The following ZNF423 variants were observed in gnomAD, a reference collection of about 807,000 sequenced individuals.
ZNF423 encodes zinc finger protein 423.
A neutral mutation model predicts 95.8 loss-of-function variants in ZNF423; 12 were observed. That is an observed-to-expected ratio of 0.13 (90% confidence interval 0.08 to 0.20). The LOEUF is 0.20. Ranked by LOEUF, ZNF423 falls within the 10% of genes least tolerant of loss-of-function variation. The pLI is 1.00. For synonymous variants in ZNF423, 749 were observed against 711.9 expected (o/e 1.05, Z -0.83); for missense variants, 1,316 against 1,737.1 (o/e 0.76, Z 4.31).
At chr16:49,641,186 C>T (rs1972964096) in intron 3 of ZNF423, among the ~76,000 whole-genome samples, 1 of 152,220 alleles carries the variant, frequency 6.6e-6, no homozygotes, top group South Asian at 2.1e-4. Context: ...GAGGCACGGC[C>T]TCAGAGACTT....
chr16:49,777,939 C>T (rs1451829281), intron 2 of ZNF423, among the ~76,000 whole-genome samples: 1 of 152,148 alleles, frequency 6.6e-6, no homozygotes, highest in Non-Finnish European at 1.5e-5. Context: ...CAGGCACTGT[C>T]CCTGCCTCCA....
At chr16:49,682,775 C>T (rs1858775476) in intron 3 of ZNF423, among the ~76,000 whole-genome samples, 1 of 152,248 alleles carries the variant, frequency 6.6e-6, no homozygotes, top group Non-Finnish European at 1.5e-5. Flanking sequence ...GTTTCCTCAT[C>T]TGTAAAATGG....
At chr16:49,593,611 C>G (rs578067776) in intron 5 of ZNF423, among the ~76,000 whole-genome samples, 1 of 143,470 alleles carries the variant, frequency 7.0e-6, no homozygotes, top group Non-Finnish European at 1.6e-5. Flanking sequence ...TACCCTGACT[C>G]TCTGCCTGCA....
intron 5 of ZNF423, among the ~76,000 whole-genome samples, chr16:49,595,441 C>G (rs1180573081): frequency 1.3e-5 from 2 of 152,204 alleles, no homozygotes; most frequent in African/African-American, 4.8e-5. Context: ...TCCTGCCTTC[C>G]CAGCCACAGA....
At chr16:49,750,220 G>A (rs1053418676) in intron 2 of ZNF423, among the ~76,000 whole-genome samples, 18 of 152,180 alleles carry the variant, frequency 1.2e-4, no homozygotes, top group African/African-American at 2.9e-4. Context: ...CTCAGTTGGC[G>A]GCTTCCTCTC....
intron 5 of ZNF423, among the ~76,000 whole-genome samples, chr16:49,542,848 C>A (rs145009063): frequency 9.2e-5 from 14 of 152,268 alleles, no homozygotes; most frequent in African/African-American, 3.4e-4. Flanking sequence ...AACTTGGCAA[C>A]GAGAAAGGCA....
chr16:49,821,491 G>A (rs758991651), intron 1 of ZNF423, among the ~76,000 whole-genome samples: 7 of 152,142 alleles, frequency 4.6e-5, no homozygotes, highest in Non-Finnish European at 8.8e-5. Flanking sequence ...CCAGAAGAAC[G>A]CACAGGATGA....
At chr16:49,805,913 G>A (rs1429659271) in intron 1 of ZNF423, among the ~76,000 whole-genome samples, 1 of 152,258 alleles carries the variant, frequency 6.6e-6, no homozygotes, top group African/African-American at 2.4e-5. Flanking sequence ...AGTCCATCCA[G>A]GGTTGCAATG....
At chr16:49,566,678 A>G (rs1325485686) in intron 5 of ZNF423, among the ~76,000 whole-genome samples, 1 of 152,232 alleles carries the variant, frequency 6.6e-6, no homozygotes, top group African/African-American at 2.4e-5. Context: ...CCAAGGCATT[A>G]AATTAAAATA....
intron 3 of ZNF423, among the ~76,000 whole-genome samples, chr16:49,677,204 C>T (rs961579999): frequency 3.7e-5 from 4 of 108,518 alleles, no homozygotes; most frequent in Admixed American, 2.4e-4. Flanking sequence ...GGCAACAGAG[C>T]GAGACTCCAA....
rs549636026 is a variant in ZNF423 at position 49,525,168 on chromosome 16, G to T, written c.3733+195C>A. On this transcript the variant is annotated intron_variant, in intron 6 of 7. Transcript: ENST00000563137. ...GGAGAGGCCAGAGAGCACTGAAGGA[G>T]GGCGCGTGTCAGCTCTGAACTGAGG... 6.4e-4 allele frequency among the ~76,000 whole-genome samples: 97 copies of T among 152,292 alleles called. 1 individual carries two copies. The highest frequency in any genetic ancestry group is 2.3e-3 in the African/African-American group (94 of 41,552).
chr16:49,560,017 T>G (rs1299741881), intron 5 of ZNF423, among the ~76,000 whole-genome samples: 1 of 152,208 alleles, frequency 6.6e-6, no homozygotes, highest in East Asian at 1.9e-4. Flanking sequence ...ATTGCCACCC[T>G]GTCACAGTAG....
chr16:49,742,191 A>T (rs1596955449), intron 2 of ZNF423, among the ~76,000 whole-genome samples: 1 of 152,122 alleles, frequency 6.6e-6, no homozygotes, highest in Non-Finnish European at 1.5e-5. Flanking sequence ...GAATGACTCT[A>T]CCCTCCCTGC....
chr16:49,521,003 C>T (rs567475279), intron 7 of ZNF423, among the ~76,000 whole-genome samples: 2 of 152,134 alleles, frequency 1.3e-5, no homozygotes, highest in South Asian at 2.1e-4. Context: ...TAAAGCTTAA[C>T]GGGATGACCC....
Position 49,730,044 on chromosome 16 carries a change from G to A in ZNF423, c.301+727C>T, listed in dbSNP as rs552477355. Among the ~76,000 whole-genome samples, 152 of 152,260 alleles carry A rather than the reference G, an allele frequency of 1.0e-3. 1 individual carries two copies. Among genetic ancestry groups the A allele is most frequent in the African/African-American group, 3.5e-3 (146 of 41,546 alleles). Reference sequence around the variant, plus strand: ...ATGGACTCCCTCTGCAGATCTCAGAGCCCAGAAATGTGTCATCCCTGTAGC... The same window carrying A: ...ATGGACTCCCTCTGCAGATCTCAGAACCCAGAAATGTGTCATCCCTGTAGC... On this transcript the variant is annotated intron_variant, in intron 3 of 7. Transcript: ENST00000563137.
At chr16:49,518,056 C>A in intron 7 of ZNF423, 1 of 452,132 alleles carries the variant, frequency 2.2e-6, no homozygotes, top group South Asian at 1.6e-5. Flanking sequence ...GGCTCACAAT[C>A]TGGAGGAGCA....
intron 3 of ZNF423, among the ~76,000 whole-genome samples, chr16:49,646,361 C>T (rs996454684): frequency 6.6e-6 from 1 of 152,100 alleles, no homozygotes; most frequent in Non-Finnish European, 1.5e-5. Flanking sequence ...GGGGTACTTG[C>T]ACACACCTGA....
chr16:49,763,352 C>A (rs1287559707), intron 2 of ZNF423, among the ~76,000 whole-genome samples: 1 of 152,108 alleles, frequency 6.6e-6, no homozygotes, highest in African/African-American at 2.4e-5. Flanking sequence ...AATCATGGCT[C>A]ACTGCAGCCT....
intron 1 of ZNF423, among the ~76,000 whole-genome samples, chr16:49,807,409 G>A (rs1264504598): frequency 2.6e-5 from 4 of 151,416 alleles, no homozygotes; most frequent in Non-Finnish European, 4.4e-5. Context: ...CAGCCTAGGC[G>A]ACAGAGCAAT....
Sources: gnomAD v4.1 joint callset for allele counts (sites outside exome capture counted in the v4.1 genomes callset) on GRCh38, gnomAD v4.1.1 for gene constraint, MANE v1.5 for transcripts, NCBI Gene and HGNC (gene_info 2026-07-23, HGNC 2026-07-21) for gene names.